SLC44A1: variants seen among roughly 807,000 people sequenced by gnomAD.
The protein encoded by SLC44A1 is solute carrier family 44 member 1.
SLC44A1 carries 26 observed loss-of-function variants against 79.3 expected under a neutral mutation model. The observed-to-expected ratio is 0.33, with a 90% confidence interval of 0.24 to 0.46. SLC44A1 has a LOEUF of 0.46. Among genes scored for constraint, SLC44A1 ranks in the 20% least tolerant of loss-of-function variants. The probability of loss-of-function intolerance (pLI) is 1.00; values close to 1 mark genes in which losing one functional copy is unlikely to be tolerated. For synonymous variants in SLC44A1, 263 were observed against 286.2 expected, an observed-to-expected ratio of 0.92 and a Z score of 0.82; for missense variants, 688 against 798.1, an observed-to-expected ratio of 0.86 and a Z score of 1.66.
At chr9:105,353,862 T>C (rs1451650111) in intron 5 of SLC44A1, among the ~76,000 whole-genome samples, 1 of 151,884 alleles carries the variant, frequency 6.6e-6, no homozygotes, top group African/African-American at 2.4e-5. Flanking sequence ...TTTTGAAGGA[T>C]AGAGAACCAG....
At chr9:105,347,935 T>G (rs1279256438) in intron 4 of SLC44A1, among the ~76,000 whole-genome samples, 1 of 152,034 alleles carries the variant, frequency 6.6e-6, no homozygotes, top group Non-Finnish European at 1.5e-5. Flanking sequence ...GATGTGGTGT[T>G]TAATCCCAGT....
At position 105,300,851 on chromosome 9, in the gene SLC44A1, C is replaced by T. The variant is rs186540935; in HGVS notation, c.126+1542C>T. On this transcript the variant is annotated intron_variant, in intron 2 of 15. Transcript: ENST00000374720. Reference sequence around the variant, plus strand: ...GAGTGCATGGTGTGATCTCGGCTCACTGCAACCTCCACCTCCCAGGTTCAA... The same window carrying T: ...GAGTGCATGGTGTGATCTCGGCTCATTGCAACCTCCACCTCCCAGGTTCAA... 1.5e-3 allele frequency among the ~76,000 whole-genome samples: 225 copies of T among 150,842 alleles called. 2 individuals carry two copies. Among genetic ancestry groups the T allele is most frequent in the African/African-American group, 5.4e-3 (220 of 40,948 alleles).
At position 105,362,068 on chromosome 9, in the gene SLC44A1, G is replaced by A. The variant is rs188568826; in HGVS notation, c.900+738G>A. On this transcript the variant is annotated intron_variant, in intron 8 of 15. Transcript: ENST00000374720. ...TTTGTGTGTGCGTGTGTGTGCGCGC[G>A]CGCGCGTGTGTGTGTGTGTGTGTGA... 1.5e-4 allele frequency among the ~76,000 whole-genome samples: 23 copies of A among 152,124 alleles called. No individual in the cohort carries two copies. The East Asian group carries it at 1.5e-3, about 10-fold the overall frequency.
rs1826883645 is a variant in SLC44A1, at chr9:105,335,449, T to G, written c.270-114T>G. On this transcript the variant is annotated intron_variant, in intron 3 of 15. Coordinates refer to ENST00000374720, the MANE Select transcript of SLC44A1 (RefSeq NM_080546.5). ...TTTAAAATGTATTTATGATGAGATT[T>G]TTATCGTGGAGGAATGTGGAATAGA... The G allele has an allele frequency of 7.0e-6, 5 of 718,968 alleles. No homozygotes were observed. The South Asian group carries it at 1.5e-4, about 21-fold the overall frequency. 44.5% of individuals were successfully genotyped at this position (718,968 alleles called of 1,614,324 possible).
intron 11 of SLC44A1, 72 bp downstream of exon 11, chr9:105,365,711 C>A (rs2131419906): frequency 1.5e-6 from 2 of 1,362,130 alleles, no homozygotes; most frequent in East Asian, 4.6e-5. Flanking sequence ...TAGTAAAGCA[C>A]CCAATAATGT....
At chr9:105,338,409 T>C (rs560985942) in intron 4 of SLC44A1, among the ~76,000 whole-genome samples, 10 of 152,218 alleles carry the variant, frequency 6.6e-5, no homozygotes, top group Non-Finnish European at 1.3e-4. Flanking sequence ...GTTATCTGGT[T>C]TTTTTCTTTT....
At chr9:105,316,213 T>C (rs1270588116) in intron 3 of SLC44A1, among the ~76,000 whole-genome samples, 1 of 152,068 alleles carries the variant, frequency 6.6e-6, no homozygotes, top group Non-Finnish European at 1.5e-5. Context: ...ATTATAGCTA[T>C]AGGAAGCGTT....
chr9:105,266,929 C>G (rs548426900), intron 1 of SLC44A1, among the ~76,000 whole-genome samples: 1 of 152,288 alleles, frequency 6.6e-6, no homozygotes, highest in East Asian at 1.9e-4. Flanking sequence ...CTGAGTCTTC[C>G]AATCTATGAA....
intron 3 of SLC44A1, among the ~76,000 whole-genome samples, chr9:105,326,262 G>A (rs1309318353): frequency 6.6e-6 from 1 of 152,104 alleles, no homozygotes; most frequent in Non-Finnish European, 1.5e-5. Context: ...GTAGGGATGG[G>A]GTCTGGCTGT....
At chr9:105,322,831 T>TATGAATTGAATG (rs1826436471) in intron 3 of SLC44A1, among the ~76,000 whole-genome samples, 1 of 152,286 alleles carries the variant, frequency 6.6e-6, no homozygotes, top group South Asian at 2.1e-4. Context: ...ATGAATATTA[T>TATGAATTGAATG]ACTTTAATGG....
chr9:105,351,544 GAAAGAA>G (rs1827407735), intron 5 of SLC44A1, among the ~76,000 whole-genome samples: 1 of 123,456 alleles, frequency 8.1e-6, no homozygotes, highest in Non-Finnish European at 1.7e-5. Context: ...AAGAAAGAAA[GAAAGAA>G]AGAAAGAGAG....
At chr9:105,378,920 G>T (rs941424040) in intron 13 of SLC44A1, among the ~76,000 whole-genome samples, 1 of 152,192 alleles carries the variant, frequency 6.6e-6, no homozygotes, top group African/African-American at 2.4e-5. Flanking sequence ...AATGAATCTT[G>T]AGGGAATTAT....
At chr9:105,305,724 A>G (rs1831011067) in intron 2 of SLC44A1, among the ~76,000 whole-genome samples, 1 of 151,910 alleles carries the variant, frequency 6.6e-6, no homozygotes, top group South Asian at 2.1e-4. Flanking sequence ...CACCCACTCT[A>G]TACATGTTTT....
chr9:105,268,817 G>A (rs1420045325), intron 1 of SLC44A1, among the ~76,000 whole-genome samples: 1 of 152,004 alleles, frequency 6.6e-6, no homozygotes, highest in Non-Finnish European at 1.5e-5. Flanking sequence ...CTTAAAGTGG[G>A]GTATGCAAAA....
At chr9:105,294,490 C>T (rs909807054) in intron 1 of SLC44A1, among the ~76,000 whole-genome samples, 4 of 151,474 alleles carry the variant, frequency 2.6e-5, no homozygotes, top group Admixed American at 6.6e-5. Context: ...TTAAAGATGT[C>T]ATTCTGTGGT....
In SLC44A1 at chr9:105,244,721, A is replaced by G. The variant is rs2131181570; in HGVS notation, c.-148A>G. 2 of 335,262 alleles carry G rather than the reference A, an allele frequency of 6.0e-6. No homozygotes were observed. The highest frequency in any genetic ancestry group is 5.5e-5 in the East Asian group (1 of 18,260). 20.8% of individuals were successfully genotyped at this position (335,262 alleles called of 1,614,324 possible). ...CTGCCTCTAGCCGCGCCGCCTCTTGAGTACCAGCCGCCGCTGCAGCCGCCG... is the reference window on the plus strand; with the variant it reads ...CTGCCTCTAGCCGCGCCGCCTCTTGGGTACCAGCCGCCGCTGCAGCCGCCG... On this transcript the variant is annotated 5_prime_UTR_variant, in exon 1 of 16. It removes the in-frame stop codon of an upstream open reading frame in the 5' UTR. Coordinates refer to ENST00000374720, the MANE Select transcript of SLC44A1 (RefSeq NM_080546.5).
intron 5 of SLC44A1, among the ~76,000 whole-genome samples, chr9:105,355,197 A>G (rs547377562): frequency 2.0e-5 from 3 of 152,226 alleles, no homozygotes; most frequent in Non-Finnish European, 4.4e-5. Context: ...GTAAATCACA[A>G]CCAAAGGCAT....
intron 1 of SLC44A1, among the ~76,000 whole-genome samples, chr9:105,298,602 G>T (rs957222155): frequency 6.6e-6 from 1 of 151,996 alleles, no homozygotes; most frequent in East Asian, 1.9e-4. Context: ...TGCCCGCCTC[G>T]GCCTCCCAAA....
In SLC44A1 at chr9:105,393,201, C is replaced by T. The variant is rs773049637; in HGVS notation, c.*4145C>T. On this transcript the variant is annotated 3_prime_UTR_variant, in exon 16 of 16. Coordinates refer to ENST00000374720, the MANE Select transcript of SLC44A1 (RefSeq NM_080546.5). ...TATTCACAGCGTAGGCTGCCTTTTG[C>T]TTTAAATGCATATTCATGTATCTTT... The T allele has an allele frequency of 3.0e-4, 294 of 985,318 alleles. 1 individual carries two copies. The highest frequency in any genetic ancestry group is 3.7e-4 in the Admixed American group (6 of 16,262). The allele number at this position is 985,318 out of a possible 1,614,324, so 61.0% of individuals were successfully genotyped here. A position where few individuals can be genotyped will look rare whatever the true frequency, so the allele number is the denominator to read the frequency against.
Sources: allele counts gnomAD v4.1 joint callset (sites outside exome capture counted in the v4.1 genomes callset), GRCh38; gene constraint gnomAD v4.1.1; transcripts MANE v1.5; gene names NCBI Gene and HGNC (gene_info 2026-07-23, HGNC 2026-07-21).